Variants in ISY1 observed in about 807,000 individuals in gnomAD.
The protein encoded by ISY1 is ISY1 spliceosome associated protein.
ISY1 carries 12 observed loss-of-function variants against 54.4 expected under a neutral mutation model. The ratio of observed to expected loss-of-function variants is 0.22; its 90% confidence interval spans 0.14 to 0.36. The LOEUF (loss-of-function observed/expected upper bound fraction) is 0.36, where lower values mean the gene tolerates loss of function less well. Among genes scored for constraint, ISY1 ranks in the 10% least tolerant of loss-of-function variants. ISY1 has a pLI of 1.00. For missense variants in ISY1, 282 were observed against 342.2 expected (o/e 0.82, Z 1.39); for synonymous variants, 96 against 117.9 (o/e 0.81, Z 1.20).
At chr3:129,156,787 C>T in intron 4 of ISY1, 68 bp downstream of exon 4, 1 of 1,584,738 alleles carries the variant, frequency 6.3e-7, no homozygotes, top group Non-Finnish European at 8.6e-7. Context: ...GTCTAACAGT[C>T]ATTTAGATAA....
intron 10 of ISY1, 85 bp downstream of exon 10, chr3:129,130,465 G>T: frequency 6.6e-7 from 1 of 1,517,724 alleles, no homozygotes; most frequent in Non-Finnish European, 8.9e-7. Flanking sequence ...GGGTAGGAAG[G>T]ACAACGAAAA....
chr3:129,158,655 C>T (rs1937215673), intron 2 of ISY1, 96 bp from the exon 3 acceptor site: 2 of 1,505,820 alleles, frequency 1.3e-6, no homozygotes, highest in East Asian at 2.3e-5. Flanking sequence ...CTGCTTATGA[C>T]CATATTTAAT....
Position 129,143,706 on chromosome 3 carries a change from A to G in ISY1, c.300+2055T>C, listed in dbSNP as rs146255196. ...TTATATTTATATTTTTTCTCTGCAC[A>G]AAAATATGTACTGTTTATATAATGA... On this transcript the variant is annotated intron_variant, in intron 6 of 10. Transcript: ENST00000393295. Among the ~76,000 whole-genome samples the G allele has an allele frequency of 2.6e-3, 391 of 151,440 alleles. 3 individuals are homozygous for G. Among genetic ancestry groups the G allele is most frequent in the African/African-American group, 8.8e-3 (367 of 41,470 alleles).
chr3:129,154,018 G>A lies in ISY1; in HGVS notation c.187+2615C>T, dbSNP rs191268567. Among the ~76,000 whole-genome samples the A allele has an allele frequency of 1.7e-3, 263 of 150,794 alleles. 2 individuals carry two copies. Among genetic ancestry groups the A allele is most frequent in the African/African-American group, 6.1e-3 (252 of 41,116 alleles). On this transcript the variant is annotated intron_variant, in intron 5 of 10. Transcript: ENST00000393295. ...AGCACTTTGGGAGGCCGAGGCGGGC[G>A]GATCACGAGGTCAGGAGATCGAGAC...
At chr3:129,136,054 G>A (rs1395727236) in intron 7 of ISY1, among the ~76,000 whole-genome samples, 1 of 150,702 alleles carries the variant, frequency 6.6e-6, no homozygotes, top group Non-Finnish European at 1.5e-5. Flanking sequence ...ACATGAGAAA[G>A]CCCTAAAGAA....
chr3:129,141,812 T>C (rs1487392232), intron 6 of ISY1, among the ~76,000 whole-genome samples: 1 of 151,650 alleles, frequency 6.6e-6, no homozygotes, highest in Non-Finnish European at 1.5e-5. Context: ...AAAAACACGA[T>C]GCTAAGTGAC....
chr3:129,139,168 C>A (rs1936530743), intron 7 of ISY1, among the ~76,000 whole-genome samples: 2 of 152,016 alleles, frequency 1.3e-5, no homozygotes, highest in Admixed American at 6.6e-5. Flanking sequence ...AACTCCTGAC[C>A]TTGTGATTCT....
chr3:129,140,522 A>T (rs539317603), intron 6 of ISY1, 37 bp from the exon 7 acceptor site: 2 of 1,507,706 alleles, frequency 1.3e-6, no homozygotes, highest in Non-Finnish European at 1.8e-6. Flanking sequence ...TGGATCTGTT[A>T]GTTAGTTAGT....
At position 129,152,688 on chromosome 3, in the gene ISY1, G is replaced by C. The variant is rs547150652; in HGVS notation, c.187+3945C>G. Among the ~76,000 whole-genome samples the C allele has an allele frequency of 3.3e-5, 5 of 152,160 alleles. No individual in the cohort carries two copies. The East Asian group carries it at 9.7e-4, about 29-fold the overall frequency. On this transcript the variant is annotated intron_variant, in intron 5 of 10. Transcript: ENST00000393295. ...CCCAAAGTGCTGGAATTACAGGCGTGAGCCACCGCGCCCGGCCATACATTG... is the reference window on the plus strand; with the variant it reads ...CCCAAAGTGCTGGAATTACAGGCGTCAGCCACCGCGCCCGGCCATACATTG...
At chr3:129,140,282 A>G in intron 7 of ISY1, 86 bp downstream of exon 7, 4 of 1,251,112 alleles carry the variant, frequency 3.2e-6, no homozygotes, top group Non-Finnish European at 4.4e-6. Context: ...CAACTAAGAA[A>G]AAAAAGTAAG....
At chr3:129,138,807 T>C (rs1936513792) in intron 7 of ISY1, among the ~76,000 whole-genome samples, 1 of 142,676 alleles carries the variant, frequency 7.0e-6, no homozygotes, top group African/African-American at 2.7e-5. Context: ...AGAGCAAGAC[T>C]CCATCTCAAA....
intron 2 of ISY1, 84 bp downstream of exon 2, chr3:129,159,070 A>AC: frequency 6.5e-7 from 1 of 1,533,412 alleles, no homozygotes; most frequent in Non-Finnish European, 8.9e-7. Flanking sequence ...AGGCTCAGAT[A>AC]CCAAAAAGAG....
At chr3:129,133,678 AGC>A (rs1936303220) in intron 9 of ISY1, among the ~76,000 whole-genome samples, 1 of 152,176 alleles carries the variant, frequency 6.6e-6, no homozygotes, top group Admixed American at 6.5e-5. Context: ...TGGGCAACAG[AGC>A]CAGATTCCGT....
At chr3:129,139,768 G>A (rs1166873079) in intron 7 of ISY1, among the ~76,000 whole-genome samples, 1 of 151,946 alleles carries the variant, frequency 6.6e-6, no homozygotes, top group East Asian at 1.9e-4. Flanking sequence ...TCAGTCTCCT[G>A]AGTAGCTGGG....
rs1345874481 is a variant in ISY1 at position 129,129,393 on chromosome 3, G to C, written c.*688C>G. ...TGCATCTTTTTTTTTTTTTTTTTTT[G>C]GGACAGAGTCTCACTCTGTCGCCAG... On this transcript the variant is annotated 3_prime_UTR_variant, in exon 11 of 11. Coordinates refer to ENST00000393295, the MANE Select transcript of ISY1 (RefSeq NM_020701.4). 1 of 115,926 alleles carries C rather than the reference G, an allele frequency of 8.6e-6. No homozygotes were observed. The allele number at this position is 115,926 out of a possible 1,614,324, so 7.2% of individuals were successfully genotyped here.
chr3:129,136,260 C>T (rs1244188798), intron 7 of ISY1, among the ~76,000 whole-genome samples: 1 of 151,758 alleles, frequency 6.6e-6, no homozygotes, highest in Admixed American at 6.6e-5. Flanking sequence ...CGCCACCACA[C>T]CCAGCTAATT....
rs760799861 is a variant in ISY1, at chr3:129,158,569, A to T, written c.27-10T>A. On this transcript the variant is annotated splice_polypyrimidine_tract_variant and intron_variant, in intron 2 of 10. Coordinates refer to ENST00000393295, the MANE Select transcript of ISY1 (RefSeq NM_020701.4). ...TCTTGCTAAGGCCGTCCTACCAGCG[A>T]TATAAAAGATAAAAGACTCCATTAG... 6.2e-7 allele frequency: 1 copy of T among 1,614,026 alleles called. No homozygotes were observed.
Position 129,130,308 on chromosome 3 carries a change from G to A in ISY1, c.751-120C>T, listed in dbSNP as rs1271080427. ...TCAAGGAGTCTGATTTAAATACGCA[G>A]AATAGTCTCCAAGAGTCCTAACTCC... is the stretch of plus-strand genomic sequence containing the variant. On this transcript the variant is annotated intron_variant, in intron 10 of 10. Transcript: ENST00000393295. 2.9e-6 allele frequency: 4 copies of A among 1,369,804 alleles called. No individual in the cohort carries two copies. In the African/African-American group the frequency reaches 5.8e-5, roughly 20 times the overall value. 84.9% of individuals were successfully genotyped at this position (1,369,804 alleles called of 1,614,324 possible). A position where few individuals can be genotyped will look rare whatever the true frequency, so the allele number is the denominator to read the frequency against.
At chr3:129,140,014 CTAA>C (rs1388185747) in intron 7 of ISY1, among the ~76,000 whole-genome samples, 1 of 152,178 alleles carries the variant, frequency 6.6e-6, no homozygotes, top group Non-Finnish European at 1.5e-5. Flanking sequence ...ATTTGTTCAA[CTAA>C]TAAGTAACTG....
Sources: allele counts gnomAD v4.1 joint callset (sites outside exome capture counted in the v4.1 genomes callset), GRCh38; gene constraint gnomAD v4.1.1; transcripts MANE v1.5; gene names NCBI Gene and HGNC (gene_info 2026-07-23, HGNC 2026-07-21).